The following PPM1L variants were observed in gnomAD, a reference collection of about 807,000 sequenced individuals.
PPM1L encodes the protein protein phosphatase 1L.
In PPM1L, 13 loss-of-function variants were observed where a neutral mutation model predicts 31.4. The ratio of observed to expected loss-of-function variants is 0.41; its 90% CI spans 0.27 to 0.66. The LOEUF is 0.66. Among genes scored for constraint, PPM1L ranks in the 30% least tolerant of loss-of-function variants. The probability of loss-of-function intolerance (pLI) is 0.29; values close to 1 mark genes in which losing one functional copy is unlikely to be tolerated. For synonymous variants in PPM1L, 184 were observed against 175.4 expected (o/e 1.05, Z -0.39); for missense variants, 326 against 453.7 (o/e 0.72, Z 2.56).
At chr3:161,032,877 T>A (rs1234996906) in intron 2 of PPM1L, among the ~76,000 whole-genome samples, 1 of 148,450 alleles carries the variant, frequency 6.7e-6, no homozygotes, top group Non-Finnish European at 1.5e-5. Flanking sequence ...TTTTTTTTTT[T>A]TTTTTTTTTT....
chr3:160,961,954 A>T (rs1395163642), intron 2 of PPM1L, 44 bp downstream of exon 2: 4 of 1,481,858 alleles, frequency 2.7e-6, no homozygotes, highest in East Asian at 4.8e-5. Flanking sequence ...CTTGCAAAAA[A>T]AATTCATTAT....
chr3:160,773,465 A>C (rs1711502255), intron 1 of PPM1L, among the ~76,000 whole-genome samples: 1 of 152,186 alleles, frequency 6.6e-6, no homozygotes, highest in Non-Finnish European at 1.5e-5. Context: ...ACAGCCTAGA[A>C]ATAAGTATGG....
At position 160,810,469 on chromosome 3, in the gene PPM1L, A is replaced by G. The variant is rs541018097; in HGVS notation, c.399+53762A>G. The stretch of plus-strand genomic sequence containing the variant: ...CAACTGGTTTAGCTCAGCAATGGGA[A>G]TAACATTTGTTGATATTAAATTGGT... On this transcript the variant is annotated intron_variant, in intron 1 of 3. Transcript: ENST00000498165. 4.8e-4 allele frequency among the ~76,000 whole-genome samples: 73 copies of G among 152,338 alleles called. 1 individual carries two copies. The Middle Eastern group carries it at 0.017, about 35-fold the overall frequency.
At chr3:161,066,403 G>T (rs1576626983) in intron 3 of PPM1L, among the ~76,000 whole-genome samples, 1 of 152,282 alleles carries the variant, frequency 6.6e-6, no homozygotes, top group East Asian at 1.9e-4. Flanking sequence ...GTAAAAGTAA[G>T]TCATTCATAT....
intron 2 of PPM1L, among the ~76,000 whole-genome samples, chr3:161,013,539 T>A (rs895277404): frequency 3.9e-5 from 6 of 152,214 alleles, no homozygotes; most frequent in Non-Finnish European, 8.8e-5. Context: ...GTCTATTAGG[T>A]CCACTTGGTG....
chr3:160,945,012 A>ATGT lies in PPM1L; in HGVS notation c.400-16723_400-16722insGTT, dbSNP rs1491470143. ...TAACATATATATAACTATATATAAC[A>ATGT]TATATATTATATATAACTATATATA... On this transcript the variant is annotated intron_variant, in intron 1 of 3. Coordinates refer to ENST00000498165, the MANE Select transcript of PPM1L (RefSeq NM_139245.4). Among the ~76,000 whole-genome samples, 8 of 6,888 alleles carry ATGT rather than the reference A, an allele frequency of 1.2e-3. 2 individuals carry two copies. The highest frequency in any genetic ancestry group is 2.1e-3 in the African/African-American group (6 of 2,804). 4.5% of individuals were successfully genotyped at this position (6,888 alleles called of 152,430 possible).
At chr3:160,910,295 C>CGTTCCCTTCCCCTTCCCT in intron 1 of PPM1L, among the ~76,000 whole-genome samples, 1 of 93,444 alleles carries the variant, frequency 1.1e-5, no homozygotes, top group East Asian at 4.0e-4. Flanking sequence ...TCCCCTTCCC[C>CGTTCCCTTCCCCTTCCCT]GTTCCCTTCC....
chr3:160,784,159 A>T (rs1711830957), intron 1 of PPM1L, among the ~76,000 whole-genome samples: 1 of 152,132 alleles, frequency 6.6e-6, no homozygotes, highest in Admixed American at 6.5e-5. Context: ...ACTTGCTTTT[A>T]AAAAAAGCGT....
chr3:160,807,113 A>G (rs1712628128), intron 1 of PPM1L, among the ~76,000 whole-genome samples: 1 of 152,204 alleles, frequency 6.6e-6, no homozygotes, highest in Non-Finnish European at 1.5e-5. Flanking sequence ...CCACTGGTCT[A>G]GGACATGTAG....
chr3:160,776,551 T>C (rs896775638), intron 1 of PPM1L, among the ~76,000 whole-genome samples: 3 of 152,112 alleles, frequency 2.0e-5, no homozygotes, highest in Non-Finnish European at 4.4e-5. Context: ...ATGGTTTACT[T>C]ACTGTATGTC....
At position 160,933,178 on chromosome 3, in the gene PPM1L, AT is replaced by A. The variant is rs200762862; in HGVS notation, c.400-28550del. Reference sequence around the variant, plus strand: ...ATAAAATTGCCTTGTATTATATGCCATTTTTTTTAGAGAACTGAGTATTAGC... The same window carrying A: ...ATAAAATTGCCTTGTATTATATGCCATTTTTTTAGAGAACTGAGTATTAGC... On this transcript the variant is annotated intron_variant, in intron 1 of 3. Coordinates refer to ENST00000498165, the MANE Select transcript of PPM1L (RefSeq NM_139245.4). 6.7e-4 allele frequency among the ~76,000 whole-genome samples: 102 copies of A among 152,102 alleles called. 1 individual carries two copies. In the East Asian group the frequency reaches 9.1e-3, roughly 14 times the overall value.
chr3:160,858,161 C>A (rs1331612311), intron 1 of PPM1L, among the ~76,000 whole-genome samples: 1 of 152,180 alleles, frequency 6.6e-6, no homozygotes, highest in Non-Finnish European at 1.5e-5. Flanking sequence ...TCAGGCATAT[C>A]TTTTTATGTA....
chr3:161,034,129 C>G (rs1272284454), intron 2 of PPM1L, among the ~76,000 whole-genome samples: 1 of 152,144 alleles, frequency 6.6e-6, no homozygotes, highest in Non-Finnish European at 1.5e-5. Context: ...AAATGCAAAT[C>G]AAAACCACAA....
rs548068004 is a variant in PPM1L at position 160,833,481 on chromosome 3, G to A, written c.399+76774G>A. 3.9e-5 allele frequency among the ~76,000 whole-genome samples: 6 copies of A among 152,202 alleles called. No homozygotes were observed. In the South Asian group the frequency reaches 6.2e-4, roughly 16 times the overall value. ...TTTAATAATCACTATTCTGACTGGC[G>A]TGAGATGGTATCTCATTGTGGTTTT... On this transcript the variant is annotated intron_variant, in intron 1 of 3. Coordinates refer to ENST00000498165, the MANE Select transcript of PPM1L (RefSeq NM_139245.4).
rs1270495781 is a variant in PPM1L, at chr3:161,021,509, G to C, written c.575-43894G>C. Reference sequence around the variant, plus strand: ...ATAATCTGTCTTTATTGGGTGGAGTGTTCTATACATGTCTGTTAGGTCTAG... The same window carrying C: ...ATAATCTGTCTTTATTGGGTGGAGTCTTCTATACATGTCTGTTAGGTCTAG... On this transcript the variant is annotated intron_variant, in intron 2 of 3. Transcript: ENST00000498165. Among the ~76,000 whole-genome samples, 3 of 151,978 alleles carry C rather than the reference G, an allele frequency of 2.0e-5. No homozygotes were observed. The East Asian group carries it at 5.8e-4, about 29-fold the overall frequency.
At chr3:160,832,473 A>G (rs1713551586) in intron 1 of PPM1L, among the ~76,000 whole-genome samples, 1 of 152,130 alleles carries the variant, frequency 6.6e-6, no homozygotes, top group African/African-American at 2.4e-5. Context: ...TTGGGATTGT[A>G]CAGGTGAGAC....
At chr3:160,811,019 T>G (rs796960905) in intron 1 of PPM1L, among the ~76,000 whole-genome samples, 6 of 152,352 alleles carry the variant, frequency 3.9e-5, no homozygotes, top group African/African-American at 1.4e-4. Context: ...TCAGTTTCTA[T>G]TCATTATGTT....
At chr3:161,049,411 G>A (rs1190091464) in intron 2 of PPM1L, among the ~76,000 whole-genome samples, 2 of 152,064 alleles carry the variant, frequency 1.3e-5, no homozygotes, top group Non-Finnish European at 2.9e-5. Context: ...TTTGGATTTG[G>A]GATGCCCAAC....
At chr3:160,955,154 GCA>G (rs1162392263) in intron 1 of PPM1L, among the ~76,000 whole-genome samples, 1 of 151,852 alleles carries the variant, frequency 6.6e-6, no homozygotes, top group African/African-American at 2.4e-5. Context: ...GGGACTACAG[GCA>G]TGCACCACCA....
Sources: allele counts gnomAD v4.1 joint callset (sites outside exome capture counted in the v4.1 genomes callset), GRCh38; gene constraint gnomAD v4.1.1; transcripts MANE v1.5; gene names NCBI Gene and HGNC (gene_info 2026-07-23, HGNC 2026-07-21).